Variants in SARM1 observed in about 807,000 individuals in gnomAD.
The protein encoded by SARM1 is NAD(+) hydrolase SARM1.
A neutral mutation model predicts 65.1 loss-of-function variants in SARM1; 60 were observed. The ratio of observed to expected loss-of-function variants is 0.92; its 90% CI spans 0.75 to 1.14. The LOEUF is 1.14. Among genes scored for constraint, SARM1 ranks in the 50% most tolerant of loss-of-function variants. The pLI is 0.00. For synonymous variants in SARM1, 417 were observed against 465.4 expected (o/e 0.90, Z 1.34); for missense variants, 913 against 1,015.7 (o/e 0.90, Z 1.37).
chr17:28,381,781 GC>G lies in SARM1; in HGVS notation c.1050del (p.Cys350TrpfsTer25). Reference protein sequence around the residue: ...EAQCIGAFYLCAEAAIKSLQG... With the variant: ...EAQCIGAFYLXAEAAIKSLQG... ...CAGTGCATCGGGGCTTTCTACCTCTGCGCCGAGGCTGCCATCAAGAGCCTGC... is the reference window on the plus strand; with the variant it reads ...CAGTGCATCGGGGCTTTCTACCTCTGGCCGAGGCTGCCATCAAGAGCCTGC... On this transcript the variant is annotated frameshift_variant, in exon 2 of 9. Transcript: ENST00000585482. LOFTEE classifies it high-confidence loss of function. The G allele has an allele frequency of 6.8e-7, 1 of 1,462,590 alleles. No individual in the cohort carries two copies. The highest frequency in any genetic ancestry group is 1.4e-5 in the South Asian group (1 of 70,272). The allele number at this position is 1,462,590 out of a possible 1,614,324, so 90.6% of individuals were successfully genotyped here.
At chr17:28,375,626 A>T (rs1166285303) in intron 1 of SARM1, among the ~76,000 whole-genome samples, 1 of 151,422 alleles carries the variant, frequency 6.6e-6, no homozygotes, top group African/African-American at 2.4e-5. Flanking sequence ...CACGAAAGCC[A>T]TTGCACATAA....
At chr17:28,380,673 G>A (rs1404036045) in intron 1 of SARM1, among the ~76,000 whole-genome samples, 3 of 152,130 alleles carry the variant, frequency 2.0e-5, no homozygotes, top group Non-Finnish European at 4.4e-5. Context: ...AAGGCTAAGA[G>A]TGGTGTGCTT....
intron 7 of SARM1, among the ~76,000 whole-genome samples, chr17:28,393,078 C>T (rs897258494): frequency 1.2e-4 from 18 of 152,156 alleles, no homozygotes; most frequent in Middle Eastern, 3.2e-3. Flanking sequence ...CTCAGAACAA[C>T]GCTTTGAGGT....
Position 28,381,727 on chromosome 17 carries a change from C to A in SARM1, c.995C>A (p.Pro332Gln), listed in dbSNP as rs140811640. 9.9e-3 allele frequency: 15,275 copies of A among 1,549,280 alleles called. 97 individuals carry two copies. Among genetic ancestry groups the A allele is most frequent in the Non-Finnish European group, 0.012 (13,569 of 1,147,712 alleles). Residue 332 changes from proline to glutamine, a missense_variant, in exon 2 of 9, where the codon CCG becomes CAG. Physicochemically the swap from Pro to Gln is moderately conservative, Grantham distance 76 (BLOSUM62 -1). This residue lies in a region of SARM1 where 862 missense variants were observed against 952.1 expected (regional missense o/e 0.91). Coordinates refer to ENST00000585482, the MANE Select transcript of SARM1 (RefSeq NM_015077.4). ...CCCGACGACCTGCAGCGCCTCGTGCCGTTGCTCGACTCTAACCGCTTGGAG... is the reference window on the plus strand; with the variant it reads ...CCCGACGACCTGCAGCGCCTCGTGCAGTTGCTCGACTCTAACCGCTTGGAG... ...RGPDDLQRLV[P>Q]LLDSNRLEAQ...
chr17:28,396,510 C>A lies in SARM1; in HGVS notation c.*224C>A, dbSNP rs554574915. 265 of 572,072 alleles carry A rather than the reference C, an allele frequency of 4.6e-4. 1 individual carries two copies. Among genetic ancestry groups the A allele is most frequent in the African/African-American group, 4.2e-3 (226 of 53,322 alleles). 35.4% of individuals were successfully genotyped at this position (572,072 alleles called of 1,614,324 possible). On this transcript the variant is annotated 3_prime_UTR_variant, in exon 9 of 9. Transcript: ENST00000585482. Reference sequence around the variant, plus strand: ...GGCTTGGGCACGGGAGGTTAGAACTCCCCCAGGCCCTGCCATTGGGTTGTC... The same window carrying A: ...GGCTTGGGCACGGGAGGTTAGAACTACCCCAGGCCCTGCCATTGGGTTGTC...
At position 28,371,920 on chromosome 17, in the gene SARM1, T is replaced by TC; in HGVS notation, c.-108dup. On this transcript the variant is annotated 5_prime_UTR_variant, in exon 1 of 9. Coordinates refer to ENST00000585482, the MANE Select transcript of SARM1 (RefSeq NM_015077.4). ...TGCCTGGTACCCTTCTCTCCATTCC[T>TC]CCCCCTCCATCTTCTTTCCCCGACC... The TC allele has an allele frequency of 1.4e-6, 1 of 715,240 alleles. No homozygotes were observed. The allele number at this position is 715,240 out of a possible 1,614,324, so 44.3% of individuals were successfully genotyped here.
At chr17:28,395,788 G>A (rs2068113694) in intron 7 of SARM1, 117 bp from the exon 8 acceptor site, 1 of 1,061,320 alleles carries the variant, frequency 9.4e-7, no homozygotes. Flanking sequence ...TGGACATCAG[G>A]ACTGGTGTCC....
intron 2 of SARM1, among the ~76,000 whole-genome samples, chr17:28,383,791 T>C (rs2068036182): frequency 3.3e-5 from 5 of 152,154 alleles, no homozygotes; most frequent in Admixed American, 2.6e-4. Context: ...TAAGACCTCA[T>C]TGGAGGTGTG....
At position 28,403,016 on chromosome 17, in the gene SARM1, A is replaced by G. The variant is rs1300153511; in HGVS notation, c.*6730A>G. ...AGAAGGCACAAAGAGGAGGAGAGTC[A>G]ATGTGAGCACAGAGGCAGAGACTGG... On this transcript the variant is annotated 3_prime_UTR_variant, in exon 9 of 9. Coordinates refer to ENST00000585482, the MANE Select transcript of SARM1 (RefSeq NM_015077.4). The G allele has an allele frequency of 6.6e-6, 1 of 152,246 alleles. No individual in the cohort carries two copies. Among genetic ancestry groups the G allele is most frequent in the Non-Finnish European group, 1.5e-5 (1 of 68,058 alleles). The allele number at this position is 152,246 out of a possible 1,614,324, so 9.4% of individuals were successfully genotyped here. A position where few individuals can be genotyped will look rare whatever the true frequency, so the allele number is the denominator to read the frequency against.
rs782534777 is a variant in SARM1, at chr17:28,388,288, C to T, written c.1733+12C>T. 10 of 1,557,344 alleles carry T rather than the reference C, an allele frequency of 6.4e-6. No homozygotes were observed. Among genetic ancestry groups the T allele is most frequent in the Non-Finnish European group, 8.7e-6 (10 of 1,149,516 alleles). On this transcript the variant is annotated intron_variant, in intron 6 of 8. Coordinates refer to ENST00000585482, the MANE Select transcript of SARM1 (RefSeq NM_015077.4). Reference sequence around the variant, plus strand: ...TCCCAGCTGGCCAGGTGAGGAGGGGCGGGCGGGCAGCGACGGGGCGTGGGG... The same window carrying T: ...TCCCAGCTGGCCAGGTGAGGAGGGGTGGGCGGGCAGCGACGGGGCGTGGGG...
chr17:28,400,787 T>C lies in SARM1; in HGVS notation c.*4501T>C. The C allele has an allele frequency of 1.3e-6, 2 of 1,551,454 alleles. No individual in the cohort carries two copies. The highest frequency in any genetic ancestry group is 1.2e-5 in the South Asian group (1 of 84,110). On this transcript the variant is annotated 3_prime_UTR_variant, in exon 9 of 9. Coordinates refer to ENST00000585482, the MANE Select transcript of SARM1 (RefSeq NM_015077.4). ...AGCACCTGTGAAGAAATAAATACCA[T>C]ACTCTGGAGTCCGAAAGGGCCATAT...
At position 28,387,383 on chromosome 17, in the gene SARM1, C is replaced by T. The variant is rs2068057056; in HGVS notation, c.1631-791C>T. Among the ~76,000 whole-genome samples the T allele has an allele frequency of 3.3e-5, 5 of 152,188 alleles. No individual in the cohort carries two copies. The South Asian group carries it at 1.0e-3, about 32-fold the overall frequency. ...AAGTAGCTAGATTACAGACATGTGC[C>T]ACCATGCCTGGATAATTTTTTGTAA... is the stretch of plus-strand genomic sequence containing the variant. On this transcript the variant is annotated intron_variant, in intron 5 of 8. Coordinates refer to ENST00000585482, the MANE Select transcript of SARM1 (RefSeq NM_015077.4).
intron 2 of SARM1, among the ~76,000 whole-genome samples, 160 bp downstream of exon 2, chr17:28,381,981 C>T (rs1252939507): frequency 6.6e-6 from 1 of 152,162 alleles, no homozygotes; most frequent in Non-Finnish European, 1.5e-5. Context: ...TGAAGGCAAA[C>T]CCGAAGTTTG....
intron 7 of SARM1, among the ~76,000 whole-genome samples, chr17:28,392,208 T>A (rs2068084456): frequency 6.6e-6 from 1 of 151,324 alleles, no homozygotes. Flanking sequence ...GCCTCCCGGG[T>A]TCAAGTGATT....
In SARM1 at chr17:28,385,411, C is replaced by A; in HGVS notation, c.1630+136C>A. 2 of 673,658 alleles carry A rather than the reference C, an allele frequency of 3.0e-6. No homozygotes were observed. The highest frequency in any genetic ancestry group is 4.9e-6 in the Non-Finnish European group (2 of 406,070). The allele number at this position is 673,658 out of a possible 1,614,324, so 41.7% of individuals were successfully genotyped here. A position where few individuals can be genotyped will look rare whatever the true frequency, so the allele number is the denominator to read the frequency against. On this transcript the variant is annotated intron_variant, in intron 5 of 8. Transcript: ENST00000585482. The surrounding 1 kb of genome is among the most constrained non-coding windows in gnomAD (Gnocchi z 4.5). ...GCACAAACGTGGGTCACACTGGGCT[C>A]TGAGGATGTAAAGATGAATACGTTG... is the stretch of plus-strand genomic sequence containing the variant.
At chr17:28,381,076 G>A in intron 1 of SARM1, 127 bp from the exon 2 acceptor site, 1 of 1,118,316 alleles carries the variant, frequency 8.9e-7, no homozygotes, top group Non-Finnish European at 1.2e-6. Flanking sequence ...GGAGCAGGGA[G>A]GGGAATGCTC....
In SARM1 at chr17:28,400,620, C is replaced by T; in HGVS notation, c.*4334C>T. ...AGGGCCCTGCATTACCCAATCAGAA[C>T]AGCCGGGATGAGCAGGAGGCCAGCT... On this transcript the variant is annotated 3_prime_UTR_variant, in exon 9 of 9. Transcript: ENST00000585482. 2 of 1,613,720 alleles carry T rather than the reference C, an allele frequency of 1.2e-6. No individual in the cohort carries two copies. Among genetic ancestry groups the T allele is most frequent in the Non-Finnish European group, 1.7e-6 (2 of 1,179,764 alleles).
At chr17:28,394,487 T>C (rs2068098119) in intron 7 of SARM1, among the ~76,000 whole-genome samples, 3 of 152,254 alleles carry the variant, frequency 2.0e-5, no homozygotes, top group Non-Finnish European at 2.9e-5. Context: ...CAACACCAAC[T>C]GGGTATCCCG....
chr17:28,372,119 G>T lies in SARM1; in HGVS notation c.87G>T (p.Ala29=). The T allele has an allele frequency of 1.1e-5, 16 of 1,471,082 alleles. No homozygotes were observed. The highest frequency in any genetic ancestry group is 1.4e-5 in the Non-Finnish European group (16 of 1,118,002). The allele number at this position is 1,471,082 out of a possible 1,614,324, so 91.1% of individuals were successfully genotyped here. A position where few individuals can be genotyped will look rare whatever the true frequency, so the allele number is the denominator to read the frequency against. The change falls in exon 1 of 9, where the codon GCG becomes GCT. Residue 29 remains alanine, a synonymous_variant. Transcript: ENST00000585482. The surrounding 1 kb of genome is among the most constrained non-coding windows in gnomAD (Gnocchi z 5.2). Reference sequence around the variant, plus strand: ...CACGGCCGGGCGCCGAGCGGCTGGCGGTGCCTGGGCCAGATGGGGGCGGTG... The same window carrying T: ...CACGGCCGGGCGCCGAGCGGCTGGCTGTGCCTGGGCCAGATGGGGGCGGTG... ...SGPRPGAERL[A]VPGPDGGGGT... is the part of the protein sequence containing the mutation.
Sources: gnomAD v4.1 joint callset for allele counts (sites outside exome capture counted in the v4.1 genomes callset) on GRCh38, gnomAD v4.1.1 for gene constraint, gnomAD v4.1.1 regional missense constraint, Gnocchi (gnomAD v3.1) non-coding constraint, MANE v1.5 for transcripts, NCBI Gene and HGNC (gene_info 2026-07-23, HGNC 2026-07-21) for gene names.